The following ROBO2 variants were observed in gnomAD, a reference collection of about 807,000 sequenced individuals.
The protein encoded by ROBO2 is roundabout guidance receptor 2.
In ROBO2, 53 loss-of-function variants were observed where a neutral mutation model predicts 160.8. That is an observed-to-expected ratio of 0.33 (90% CI 0.26 to 0.41). The LOEUF (loss-of-function observed/expected upper bound fraction) is 0.41, where lower values mean the gene tolerates loss of function less well. Ranked by LOEUF, ROBO2 falls within the 10% of genes least tolerant of loss-of-function variation. The probability of loss-of-function intolerance (pLI) is 1.00; values close to 1 mark genes in which losing one functional copy is unlikely to be tolerated. For missense variants in ROBO2, 1,577 were observed against 1,722.4 expected, an observed-to-expected ratio of 0.92 and a Z score of 1.49; for synonymous variants, 664 against 611.7, an observed-to-expected ratio of 1.09 and a Z score of -1.26.
chr3:77,210,527 C>T (rs1278659811), intron 2 of ROBO2, among the ~76,000 whole-genome samples: 4 of 151,886 alleles, frequency 2.6e-5, no homozygotes, highest in Admixed American at 6.6e-5. Context: ...ATATATTGCT[C>T]GGTAAAGAAA....
chr3:77,217,664 A>G (rs530025397), intron 2 of ROBO2, among the ~76,000 whole-genome samples: 14 of 152,392 alleles, frequency 9.2e-5, no homozygotes, highest in Admixed American at 7.2e-4. Flanking sequence ...AGCTGCAATT[A>G]CAGTGATTAA....
chr3:76,617,493 G>T (rs2109181051), intron 2 of ROBO2, among the ~76,000 whole-genome samples: 1 of 152,134 alleles, frequency 6.6e-6, no homozygotes, highest in African/African-American at 2.4e-5. Flanking sequence ...CTGTTACAAT[G>T]GTATTAAGAG....
intron 2 of ROBO2, among the ~76,000 whole-genome samples, chr3:76,024,745 C>T (rs780748789): frequency 7.3e-5 from 11 of 151,406 alleles, no homozygotes; most frequent in Non-Finnish European, 1.0e-4. Flanking sequence ...ATTTTGATAG[C>T]TCGGTTGGAA....
At chr3:76,396,676 A>G (rs1054584286) in intron 2 of ROBO2, among the ~76,000 whole-genome samples, 2 of 152,198 alleles carry the variant, frequency 1.3e-5, no homozygotes, top group African/African-American at 4.8e-5. Flanking sequence ...TTATGCACCA[A>G]TAACAGACAA....
rs139157136 is a variant in ROBO2 at position 76,950,798 on chromosome 3, C to T, written c.110-147216C>T. Among the ~76,000 whole-genome samples the T allele has an allele frequency of 3.5e-3, 539 of 152,322 alleles. 3 individuals are homozygous for T. The highest frequency in any genetic ancestry group is 5.1e-3 in the Non-Finnish European group (350 of 68,034). On this transcript the variant is annotated intron_variant, in intron 2 of 26. Coordinates refer to the ROBO2 transcript ENST00000487694. ...CTGGAGTGCAGTTGTGCAACCACAG[C>T]TCACTGCTGCCTGGACCTCCCAGGC...
chr3:77,252,834 AT>A lies in ROBO2; in HGVS notation c.388+154495del, dbSNP rs1553872389. ...AAAAAAAAAAAAAAAAAAAAAAAAT[AT>A]ATATATATATATATATGAAAAATAA... On this transcript the variant is annotated intron_variant, in intron 2 of 25. Coordinates refer to ENST00000461745, the Ensembl canonical transcript of ROBO2. 1.2e-3 allele frequency among the ~76,000 whole-genome samples: 128 copies of A among 108,210 alleles called. 1 individual carries two copies. The highest frequency in any genetic ancestry group is 3.8e-3 in the African/African-American group (119 of 30,930). The allele number at this position is 108,210 out of a possible 152,430, so 71.0% of individuals were successfully genotyped here. A position where few individuals can be genotyped will look rare whatever the true frequency, so the allele number is the denominator to read the frequency against.
At chr3:76,920,350 A>G (rs759073432) in intron 2 of ROBO2, among the ~76,000 whole-genome samples, 4 of 152,204 alleles carry the variant, frequency 2.6e-5, no homozygotes, top group Non-Finnish European at 4.4e-5. Flanking sequence ...ATTTGCTGCC[A>G]TCATGTATGT....
intron 2 of ROBO2, among the ~76,000 whole-genome samples, chr3:76,318,431 T>C (rs1374807632): frequency 6.6e-6 from 1 of 151,996 alleles, no homozygotes; most frequent in African/African-American, 2.4e-5. Flanking sequence ...CCCCACCCTC[T>C]CCTCCCGTTT....
intron 12 of ROBO2, 124 bp downstream of exon 13, chr3:77,565,244 T>C: frequency 9.1e-7 from 1 of 1,103,758 alleles, no homozygotes; most frequent in Non-Finnish European, 1.4e-6. Flanking sequence ...CACTAGGCTT[T>C]ATCCAGGGAA....
intron 2 of ROBO2, among the ~76,000 whole-genome samples, chr3:76,113,542 C>T (rs549281101): frequency 5.3e-4 from 80 of 152,104 alleles, no homozygotes; most frequent in African/African-American, 1.9e-3. Flanking sequence ...GTCATACAAT[C>T]GAACTTAAAA....
chr3:75,959,918 A>G (rs1296776376), intron 2 of ROBO2, among the ~76,000 whole-genome samples: 2 of 151,812 alleles, frequency 1.3e-5, no homozygotes, highest in African/African-American at 4.8e-5. Flanking sequence ...TAAAAGTTAA[A>G]TATTTATAAA....
Position 77,026,544 on chromosome 3 carries a change from C to T in ROBO2, c.110-71470C>T, listed in dbSNP as rs576495179. On this transcript the variant is annotated intron_variant, in intron 2 of 26. Transcript: ENST00000487694. The stretch of plus-strand genomic sequence containing the variant: ...AACTTTATTTCACAGAGTCTGAAAC[C>T]CAAAGGCATGATTCTTTATCTTCTG... Among the ~76,000 whole-genome samples, 14 of 152,220 alleles carry T rather than the reference C, an allele frequency of 9.2e-5. No individual in the cohort carries two copies. In the South Asian group the frequency reaches 2.9e-3, roughly 32 times the overall value.
intron 2 of ROBO2, among the ~76,000 whole-genome samples, chr3:76,027,484 T>G (rs558057085): frequency 6.6e-6 from 1 of 151,746 alleles, no homozygotes; most frequent in Non-Finnish European, 1.5e-5. Context: ...TGACCCTCTT[T>G]CCTAAAGAGC....
At chr3:77,430,110 T>G (rs1244569024) in intron 2 of ROBO2, among the ~76,000 whole-genome samples, 1 of 152,094 alleles carries the variant, frequency 6.6e-6, no homozygotes, top group Non-Finnish European at 1.5e-5. Context: ...ATCCATTCTG[T>G]GGAGAAGGGA....
At chr3:76,976,448 G>A (rs2059821115) in intron 2 of ROBO2, among the ~76,000 whole-genome samples, 1 of 152,146 alleles carries the variant, frequency 6.6e-6, no homozygotes, top group Non-Finnish European at 1.5e-5. Flanking sequence ...AACCGTATTT[G>A]AATGGCACCG....
chr3:77,649,947 A>G (rs1250471809), exon 26 of ROBO2: 2 of 152,164 alleles, frequency 1.3e-5, no homozygotes, highest in African/African-American at 4.8e-5. Flanking sequence ...AAAAAATAAA[A>G]TATATTCACA....
chr3:76,202,671 T>C (rs1227064949), intron 2 of ROBO2, among the ~76,000 whole-genome samples: 1 of 152,200 alleles, frequency 6.6e-6, no homozygotes, highest in Non-Finnish European at 1.5e-5. Context: ...TACAGTCATC[T>C]AAAGGGTGCT....
At chr3:75,976,577 A>G (rs2065138898) in intron 2 of ROBO2, among the ~76,000 whole-genome samples, 2 of 151,614 alleles carry the variant, frequency 1.3e-5, no homozygotes, top group South Asian at 4.1e-4. Context: ...TATTGGCTAC[A>G]TGGATATTAA....
At position 77,291,146 on chromosome 3, in the gene ROBO2, G is replaced by T. The variant is rs56000813; in HGVS notation, c.389-186268G>T. 2.4e-3 allele frequency among the ~76,000 whole-genome samples: 360 copies of T among 150,738 alleles called. 1 individual carries two copies. Among genetic ancestry groups the T allele is most frequent in the Non-Finnish European group, 4.4e-3 (299 of 67,858 alleles). On this transcript the variant is annotated intron_variant, in intron 2 of 25. Transcript: ENST00000461745. The stretch of plus-strand genomic sequence containing the variant: ...CCCCAGACATAAAGTAAAACTGATG[G>T]TTAAACGGGAAGTTGAGGCTAGAAC...
Sources: allele counts gnomAD v4.1 joint callset (sites outside exome capture counted in the v4.1 genomes callset), GRCh38; gene constraint gnomAD v4.1.1; transcripts MANE v1.5; gene names NCBI Gene and HGNC (gene_info 2026-07-23, HGNC 2026-07-21).